The following DOCK2 variants were observed in gnomAD, a reference collection of about 807,000 sequenced individuals.
The protein encoded by DOCK2 is dedicator of cytokinesis 2.
Under a neutral mutation model 248.9 loss-of-function variants are expected in DOCK2, and 87 were observed. The observed-to-expected ratio is 0.35, with a 90% CI of 0.29 to 0.42. The LOEUF (loss-of-function observed/expected upper bound fraction) is 0.42, where lower values mean the gene tolerates loss of function less well. Among genes scored for constraint, DOCK2 ranks in the 10% least tolerant of loss-of-function variants. The pLI is 1.00. For synonymous variants in DOCK2, 805 were observed against 821.6 expected, an observed-to-expected ratio of 0.98 and a Z score of 0.35; for missense variants, 1,747 against 2,300.2, an observed-to-expected ratio of 0.76 and a Z score of 4.92.
intron 38 of DOCK2, among the ~76,000 whole-genome samples, chr5:170,045,472 C>T (rs377701140): frequency 1.3e-5 from 2 of 152,102 alleles, no homozygotes; most frequent in Non-Finnish European, 2.9e-5. Context: ...CGTTTTGACC[C>T]GGGACAGGTT....
chr5:169,894,224 CG>C (rs1225941118), intron 27 of DOCK2, among the ~76,000 whole-genome samples: 1 of 152,092 alleles, frequency 6.6e-6, no homozygotes, highest in African/African-American at 2.4e-5. Flanking sequence ...TAGAGAGGTG[CG>C]AGATTTGCCC....
chr5:169,747,745 G>A (rs1008627684), intron 23 of DOCK2, among the ~76,000 whole-genome samples: 8 of 152,172 alleles, frequency 5.3e-5, no homozygotes, highest in Non-Finnish European at 8.8e-5. Context: ...TTACCTAGAA[G>A]GAAATTAGTC....
chr5:169,699,488 C>T, intron 12 of DOCK2, 30 bp downstream of exon 12: 1 of 1,594,820 alleles, frequency 6.3e-7, no homozygotes, highest in Middle Eastern at 1.7e-4. Flanking sequence ...GTGGGCTGAG[C>T]CTGCTCCAGC....
intron 23 of DOCK2, among the ~76,000 whole-genome samples, chr5:169,756,977 G>A (rs1345716030): frequency 6.6e-6 from 1 of 151,720 alleles, no homozygotes; most frequent in Admixed American, 6.6e-5. Context: ...CAGGGCACAT[G>A]CCTCAGTATA....
intron 5 of DOCK2, among the ~76,000 whole-genome samples, chr5:169,672,472 C>T (rs755403088): frequency 1.3e-4 from 20 of 152,282 alleles, no homozygotes; most frequent in Middle Eastern, 3.4e-3. Context: ...CTGCATACAA[C>T]CTGTGTAATA....
At position 169,990,097 on chromosome 5, in the gene DOCK2, T is replaced by C. The variant is rs75573746; in HGVS notation, c.2993+4175T>C. 9.6e-3 allele frequency among the ~76,000 whole-genome samples: 1,460 copies of C among 151,800 alleles called. 29 individuals carry two copies. Among genetic ancestry groups the C allele is most frequent in the African/African-American group, 0.033 (1,361 of 41,324 alleles). ...AAAGAACCCTCTTAATGTTTTTTTT[T>C]TTCTTCTTCTTTTTCTTTTGAGACA... On this transcript the variant is annotated intron_variant, in intron 29 of 51. Transcript: ENST00000520908.
intron 22 of DOCK2, among the ~76,000 whole-genome samples, chr5:169,739,844 T>C (rs910654653): frequency 6.6e-6 from 1 of 152,208 alleles, no homozygotes; most frequent in East Asian, 1.9e-4. Flanking sequence ...TATTAGCTGC[T>C]TTTTCAAGTA....
chr5:169,637,401 C>A, intron 1 of DOCK2, 32 bp downstream of exon 1: 1 of 1,353,494 alleles, frequency 7.4e-7, no homozygotes, highest in Non-Finnish European at 9.5e-7. Context: ...CGGCAGGGAG[C>A]GGGACAGGTG....
At chr5:169,649,952 C>G (rs886819304) in intron 1 of DOCK2, among the ~76,000 whole-genome samples, 10 of 151,998 alleles carry the variant, frequency 6.6e-5, no homozygotes, top group African/African-American at 2.4e-4. Context: ...TACAGGTGTA[C>G]CCCACCACAC....
chr5:169,904,182 C>T (rs947396225), intron 27 of DOCK2, among the ~76,000 whole-genome samples: 5 of 150,878 alleles, frequency 3.3e-5, no homozygotes, highest in Non-Finnish European at 5.9e-5. Context: ...TGGGTAAAAG[C>T]AGCATACTGA....
At chr5:169,775,750 G>T (rs1765350382) in intron 25 of DOCK2, among the ~76,000 whole-genome samples, 1 of 151,994 alleles carries the variant, frequency 6.6e-6, no homozygotes, top group South Asian at 2.1e-4. Flanking sequence ...TATGGAGAAG[G>T]CAGGATGTCA....
At chr5:170,079,588 G>T (rs1757955849) in intron 49 of DOCK2, 2 of 177,930 alleles carry the variant, frequency 1.1e-5, no homozygotes, top group South Asian at 2.6e-4. Flanking sequence ...TGGGGATACA[G>T]GGATGAAATC....
At chr5:169,911,965 G>C (rs749205579) in intron 27 of DOCK2, among the ~76,000 whole-genome samples, 2 of 152,130 alleles carry the variant, frequency 1.3e-5, no homozygotes, top group African/African-American at 4.8e-5. Flanking sequence ...TTCCTAGGTT[G>C]AAATTGTTCT....
At chr5:170,025,632 A>C (rs151312935) in intron 33 of DOCK2, among the ~76,000 whole-genome samples, 200 of 152,260 alleles carry the variant, frequency 1.3e-3, no homozygotes, top group African/African-American at 4.5e-3. Context: ...GATAGTCCCC[A>C]ACCCTTGACA....
chr5:170,053,953 G>A (rs755830014), intron 41 of DOCK2, among the ~76,000 whole-genome samples: 2 of 152,206 alleles, frequency 1.3e-5, no homozygotes, highest in Non-Finnish European at 2.9e-5. Context: ...AGCCTACAAG[G>A]AGCTGGAGGG....
chr5:169,839,811 C>T (rs992804931), intron 26 of DOCK2, among the ~76,000 whole-genome samples: 3 of 152,176 alleles, frequency 2.0e-5, no homozygotes, highest in African/African-American at 7.2e-5. Context: ...TCCAGAAACA[C>T]TGCCTCCTCA....
intron 2 of DOCK2, among the ~76,000 whole-genome samples, chr5:169,667,879 A>T (rs558085963): frequency 6.6e-6 from 1 of 152,246 alleles, no homozygotes; most frequent in African/African-American, 2.4e-5. Flanking sequence ...TGAAAATAGA[A>T]TGTGATGCTT....
intron 7 of DOCK2, among the ~76,000 whole-genome samples, chr5:169,682,993 A>G (rs549156376): frequency 6.6e-6 from 1 of 152,326 alleles, no homozygotes; most frequent in East Asian, 1.9e-4. Flanking sequence ...GAGTCAGTAT[A>G]CCACTGGCCA....
intron 44 of DOCK2, among the ~76,000 whole-genome samples, chr5:170,065,954 T>TTTTG (rs1189060688): frequency 2.2e-5 from 1 of 44,830 alleles, no homozygotes; most frequent in East Asian, 3.7e-4. Context: ...ATGAAAACTG[T>TTTTG]TTTTTTTTTT....
Sources: allele counts gnomAD v4.1 joint callset (sites outside exome capture counted in the v4.1 genomes callset), GRCh38; gene constraint gnomAD v4.1.1; transcripts MANE v1.5; gene names NCBI Gene and HGNC (gene_info 2026-07-23, HGNC 2026-07-21).